Variants in APTX observed in about 807,000 individuals in gnomAD.
The protein encoded by APTX is aprataxin.
A neutral mutation model predicts 42.3 loss-of-function variants in APTX; 33 were observed. The observed-to-expected ratio is 0.78, with a 90% CI of 0.59 to 1.04. The LOEUF (loss-of-function observed/expected upper bound fraction) is 1.04. APTX is among the 50% of genes least tolerant of loss of function. The pLI is 0.00. For synonymous variants in APTX, 130 were observed against 146.7 expected (o/e 0.89, Z 0.82); for missense variants, 421 against 415.1 (o/e 1.01, Z -0.12).
At chr9:32,986,288 A>C (rs1587457105) in intron 4 of APTX, 8 of 542,616 alleles carry the variant, frequency 1.5e-5, no homozygotes, top group South Asian at 1.4e-4. Context: ...GATCACTGCA[A>C]CCTCCGAAGT....
intron 2 of APTX, 87 bp from the exon 3 acceptor site, chr9:32,988,216 T>G: frequency 8.2e-7 from 1 of 1,222,820 alleles, no homozygotes; most frequent in African/African-American, 1.5e-5. Context: ...CAAGCTTCAC[T>G]ACAGGCGGCA....
chr9:33,010,536 A>G (rs911825067), intron 1 of APTX, among the ~76,000 whole-genome samples: 1 of 152,074 alleles, frequency 6.6e-6, no homozygotes, highest in Non-Finnish European at 1.5e-5. Context: ...CCTGGTCAAC[A>G]TGGTGAAACC....
rs1327854379 is a variant in APTX, at chr9:33,001,577, C to A, written c.-15G>T. On this transcript the variant is annotated 5_prime_UTR_variant, in exon 1 of 8. Coordinates refer to ENST00000379817, the MANE Select transcript of APTX (RefSeq NM_001195248.2). ...TGACGACCGCCTTACCTCCAGAAGT[C>A]GGAGACGGACAAATTCACGTTACTC... is the stretch of plus-strand genomic sequence containing the variant. The A allele has an allele frequency of 6.2e-7, 1 of 1,613,814 alleles. No homozygotes were observed. The highest frequency in any genetic ancestry group is 1.3e-5 in the African/African-American group (1 of 74,930).
intron 1 of APTX, among the ~76,000 whole-genome samples, chr9:32,993,110 G>A (rs1834021334): frequency 6.6e-6 from 1 of 152,202 alleles, no homozygotes; most frequent in Non-Finnish European, 1.5e-5. Context: ...AGCAGGGCAA[G>A]AGAGGAATCC....
upstream of APTX, among the ~76,000 whole-genome samples, chr9:33,003,318 T>G (rs1425872240): frequency 1.3e-5 from 2 of 152,198 alleles, no homozygotes; most frequent in Non-Finnish European, 2.9e-5. Context: ...GCTAAAGGTA[T>G]GGCAGGCAGT....
chr9:33,023,249 A>G (rs1294029205), intron 1 of APTX, among the ~76,000 whole-genome samples: 2 of 150,992 alleles, frequency 1.3e-5, no homozygotes, highest in East Asian at 3.9e-4. Context: ...GACTCGACAG[A>G]GTCTTGCTCT....
At chr9:32,990,994 T>C (rs887795284) in intron 1 of APTX, among the ~76,000 whole-genome samples, 13 of 152,304 alleles carry the variant, frequency 8.5e-5, no homozygotes, top group African/African-American at 2.9e-4. Context: ...TGGCACAATC[T>C]TGGCTCACTG....
chr9:33,022,121 A>T (rs1054249840), intron 1 of APTX, among the ~76,000 whole-genome samples: 1 of 152,168 alleles, frequency 6.6e-6, no homozygotes, highest in Non-Finnish European at 1.5e-5. Context: ...TAAAAATTAA[A>T]ATCTTTATAT....
intron 1 of APTX, among the ~76,000 whole-genome samples, chr9:33,011,002 G>T (rs530743195): frequency 2.4e-4 from 36 of 152,060 alleles, no homozygotes; most frequent in African/African-American, 8.2e-4. Context: ...AATTAACAGA[G>T]CGTGGTGGTG....
rs1188430470 is a variant in APTX at position 33,000,893 on chromosome 9, G to A, written c.-5+674C>T. On this transcript the variant is annotated intron_variant, in intron 1 of 7. Coordinates refer to ENST00000379817, the MANE Select transcript of APTX (RefSeq NM_001195248.2). Reference sequence around the variant, plus strand: ...GGAGTTTCGCTCTTGGCATGCCCAGGCTGGAGTGCAATGGCGCGATCTCAG... The same window carrying A: ...GGAGTTTCGCTCTTGGCATGCCCAGACTGGAGTGCAATGGCGCGATCTCAG... Among the ~76,000 whole-genome samples the A allele has an allele frequency of 3.5e-5, 5 of 142,176 alleles. No individual in the cohort carries two copies. In the East Asian group the frequency reaches 8.3e-4, roughly 23 times the overall value. The allele number at this position is 142,176 out of a possible 152,430, so 93.3% of individuals were successfully genotyped here.
intron 1 of APTX, among the ~76,000 whole-genome samples, chr9:33,014,975 T>C (rs1485937309): frequency 1.3e-5 from 2 of 152,226 alleles, no homozygotes; most frequent in Admixed American, 6.5e-5. Flanking sequence ...ATACCATGAA[T>C]TGTGGGACCA....
Position 32,979,161 on chromosome 9 carries a change from T to C in APTX, c.771-4600A>G, listed in dbSNP as rs151327112. ...CCCAGGTAATAAGCATAGTACCCCA[T>C]AGGCAGTTTTTCAATCCTCCCCCAC... On this transcript the variant is annotated intron_variant, in intron 6 of 7. Transcript: ENST00000379817. 5.3e-3 allele frequency among the ~76,000 whole-genome samples: 809 copies of C among 152,166 alleles called. 8 individuals carry two copies. The highest frequency in any genetic ancestry group is 0.018 in the African/African-American group (753 of 41,516).
intron 7 of APTX, 74 bp from the exon 8 acceptor site, chr9:32,973,726 A>G (rs774525832): frequency 4.4e-6 from 7 of 1,586,166 alleles, no homozygotes; most frequent in Non-Finnish European, 6.0e-6. Context: ...AAAAAAAAAA[A>G]AAATCAAAAA....
intron 1 of APTX, among the ~76,000 whole-genome samples, chr9:32,993,221 T>A (rs1287910166): frequency 6.6e-6 from 1 of 152,208 alleles, no homozygotes; most frequent in Non-Finnish European, 1.5e-5. Context: ...AGTTCTCAAG[T>A]TATGGTGTTC....
intron 1 of APTX, among the ~76,000 whole-genome samples, chr9:33,011,080 T>C (rs1837506707): frequency 6.6e-6 from 1 of 151,078 alleles, no homozygotes; most frequent in African/African-American, 2.4e-5. Flanking sequence ...GAGGCAGAGG[T>C]TGTAGTGAGC....
intron 1 of APTX, among the ~76,000 whole-genome samples, chr9:33,021,129 CA>C (rs11384877): frequency 0.095 from 10,174 of 107,442 alleles, 433 homozygotes; most frequent in Non-Finnish European, 0.13. Flanking sequence ...AACTCTGTCT[CA>C]AAAAAAAAAA....
rs759222352 is a variant in APTX at position 32,987,742 on chromosome 9, T to C, written c.285A>G (p.Pro95=). ...QVLHMVNELY[P]YIVEFEEEAK... is the part of the protein sequence containing the mutation. ...CCTCTTCCTCAAACTCTACAATATA[T>C]GGATAAAGTTCATTCACCATGTGGA... Residue 95 remains proline, a synonymous_variant, in exon 4 of 8, where the codon CCA becomes CCG. Transcript: ENST00000379817. 4.3e-6 allele frequency: 7 copies of C among 1,614,230 alleles called. No individual in the cohort carries two copies. Among genetic ancestry groups the C allele is most frequent in the South Asian group, 1.1e-5 (1 of 91,090 alleles).
At chr9:32,991,874 G>A (rs111831877) in intron 1 of APTX, among the ~76,000 whole-genome samples, 80 of 152,102 alleles carry the variant, frequency 5.3e-4, no homozygotes, top group African/African-American at 1.8e-3. Context: ...CATAATTTGG[G>A]GATAAAAAGG....
upstream of APTX, among the ~76,000 whole-genome samples, chr9:33,003,955 G>C (rs960470985): frequency 6.6e-6 from 1 of 152,114 alleles, no homozygotes; most frequent in African/African-American, 2.4e-5. Flanking sequence ...ATGAACATGA[G>C]TGTATAAATA....
Sources: gnomAD v4.1 joint callset for allele counts (sites outside exome capture counted in the v4.1 genomes callset) on GRCh38, gnomAD v4.1.1 for gene constraint, MANE v1.5 for transcripts, NCBI Gene and HGNC (gene_info 2026-07-23, HGNC 2026-07-21) for gene names.